The following SORBS2 variants were observed in gnomAD, a reference collection of about 807,000 sequenced individuals.
SORBS2 encodes the protein sorbin and SH3 domain-containing protein 2.
In SORBS2, 46 loss-of-function variants were observed where a neutral mutation model predicts 97.7. The ratio of observed to expected loss-of-function variants is 0.47; its 90% CI spans 0.37 to 0.60. The LOEUF is 0.60. Among genes scored for constraint, SORBS2 ranks in the 20% least tolerant of loss-of-function variants. The probability of loss-of-function intolerance (pLI) is 0.00; values close to 1 mark genes in which losing one functional copy is unlikely to be tolerated. For missense variants in SORBS2, 1,316 were observed against 1,282.3 expected (o/e 1.03, Z -0.40); for synonymous variants, 476 against 473.4 (o/e 1.01, Z -0.07).
chr4:185,823,472 T>C (rs1344739508), intron 1 of SORBS2, among the ~76,000 whole-genome samples: 1 of 150,334 alleles, frequency 6.7e-6, no homozygotes, highest in East Asian at 1.9e-4. Flanking sequence ...TAACGAGGGA[T>C]TGAGTTATGT....
At chr4:185,902,343 A>C (rs1295267938) in intron 1 of SORBS2, among the ~76,000 whole-genome samples, 1 of 152,118 alleles carries the variant, frequency 6.6e-6, no homozygotes, top group Admixed American at 6.5e-5. Context: ...AAAATATTAG[A>C]GGCTGTAGGG....
At chr4:185,718,747 G>A (rs564001050) in intron 2 of SORBS2, among the ~76,000 whole-genome samples, 1 of 152,324 alleles carries the variant, frequency 6.6e-6, no homozygotes, top group African/African-American at 2.4e-5. Context: ...TTAACTGGGT[G>A]AGTGTCTTTA....
chr4:185,826,078 A>G (rs1366916984), intron 1 of SORBS2, among the ~76,000 whole-genome samples: 1 of 152,240 alleles, frequency 6.6e-6, no homozygotes, highest in Non-Finnish European at 1.5e-5. Flanking sequence ...CTAAGTGGAG[A>G]AGCATCGTTT....
intron 2 of SORBS2, among the ~76,000 whole-genome samples, chr4:185,711,572 AT>A (rs554270424): frequency 1.8e-4 from 28 of 152,194 alleles, no homozygotes; most frequent in Admixed American, 4.6e-4. Context: ...TGTCTAACAT[AT>A]TTTTACTGTG....
chr4:185,636,302 T>G (rs986643841), intron 4 of SORBS2, among the ~76,000 whole-genome samples: 1 of 152,162 alleles, frequency 6.6e-6, no homozygotes, highest in Non-Finnish European at 1.5e-5. Context: ...TATGAGATAA[T>G]AACCCTAAGA....
chr4:185,818,199 T>C (rs775206078), intron 1 of SORBS2, among the ~76,000 whole-genome samples: 9 of 152,176 alleles, frequency 5.9e-5, no homozygotes, highest in Non-Finnish European at 1.2e-4. Context: ...TGTTTGTTTG[T>C]TTGTTTTTGA....
At chr4:185,745,981 C>G (rs1461429009) in intron 2 of SORBS2, among the ~76,000 whole-genome samples, 2 of 152,180 alleles carry the variant, frequency 1.3e-5, no homozygotes, top group Admixed American at 6.5e-5. Context: ...CTAACTCTAT[C>G]CTCCCACTCT....
At chr4:185,915,411 C>T (rs2099257573) in intron 1 of SORBS2, among the ~76,000 whole-genome samples, 1 of 152,156 alleles carries the variant, frequency 6.6e-6, no homozygotes, top group South Asian at 2.1e-4. Flanking sequence ...AAATAGTAAT[C>T]AGCTCTGAAG....
At chr4:185,608,650 A>C (rs530897384) in intron 12 of SORBS2, among the ~76,000 whole-genome samples, 1 of 152,344 alleles carries the variant, frequency 6.6e-6, no homozygotes, top group Non-Finnish European at 1.5e-5. Flanking sequence ...AAAAATTAGA[A>C]ATTAAAAAAT....
chr4:185,810,811 C>T (rs1386687239), intron 1 of SORBS2: 1 of 152,188 alleles, frequency 6.6e-6, no homozygotes, highest in African/African-American at 2.4e-5. Flanking sequence ...TGACAGCAAA[C>T]ATTTGCTGCA....
chr4:185,626,868 T>C (rs1330762727), exon 6 of SORBS2: 7 of 1,614,240 alleles, frequency 4.3e-6, no homozygotes, highest in Non-Finnish European at 5.9e-6. Context: ...GAAGAGCTAG[T>C]GAAAGACTTT....
intron 1 of SORBS2, among the ~76,000 whole-genome samples, chr4:185,827,075 T>TCAG (rs759691392): frequency 7.6e-6 from 1 of 131,962 alleles, no homozygotes. Context: ...ATCACCATCA[T>TCAG]CATCACCATC....
At chr4:185,676,965 T>C (rs1415034484) in intron 4 of SORBS2, 2 of 1,533,026 alleles carry the variant, frequency 1.3e-6, no homozygotes, top group Non-Finnish European at 1.8e-6. Flanking sequence ...TACGCATGTA[T>C]TAATACGAAG....
intron 2 of SORBS2, among the ~76,000 whole-genome samples, chr4:185,763,894 TAAAAC>T (rs2098919207): frequency 6.6e-6 from 1 of 152,136 alleles, no homozygotes; most frequent in South Asian, 2.1e-4. Flanking sequence ...AGTCTATGGA[TAAAAC>T]AAATAGAAAA....
chr4:185,895,304 C>T (rs943206313), intron 1 of SORBS2, among the ~76,000 whole-genome samples: 2 of 152,310 alleles, frequency 1.3e-5, no homozygotes, highest in Admixed American at 6.5e-5. Context: ...TGTATGTTTG[C>T]GTAATTCCCT....
chr4:185,876,710 A>G (rs2099233891), intron 1 of SORBS2, among the ~76,000 whole-genome samples: 1 of 152,194 alleles, frequency 6.6e-6, no homozygotes, highest in Non-Finnish European at 1.5e-5. Context: ...ACCATAATTC[A>G]AATTATGGCA....
At chr4:185,685,070 C>T (rs1253465771) in intron 2 of SORBS2, among the ~76,000 whole-genome samples, 2 of 152,182 alleles carry the variant, frequency 1.3e-5, no homozygotes, top group African/African-American at 4.8e-5. Context: ...ATAGGTATCA[C>T]TGTTTTAGTG....
intron 11 of SORBS2, among the ~76,000 whole-genome samples, chr4:185,613,505 GGGT>G (rs148056904): frequency 0.19 from 28,801 of 151,558 alleles, 3,038 homozygotes; most frequent in African/African-American, 0.28. Context: ...AAAATTAGCC[GGGT>G]GTGGTGGCGG....
chr4:185,806,555 T>C (rs2099156641), intron 1 of SORBS2, among the ~76,000 whole-genome samples: 1 of 147,356 alleles, frequency 6.8e-6, no homozygotes, highest in Admixed American at 6.8e-5. Context: ...CCTCCCGGGT[T>C]CACGCCATTC....
Sources: allele counts gnomAD v4.1 joint callset (sites outside exome capture counted in the v4.1 genomes callset), GRCh38; gene constraint gnomAD v4.1.1; transcripts MANE v1.5; gene names NCBI Gene and HGNC (gene_info 2026-07-23, HGNC 2026-07-21).